Variants in NTN4 observed in about 807,000 individuals in gnomAD.
The protein encoded by NTN4 is netrin 4, also known as netrin-4.
NTN4 carries 32 observed loss-of-function variants against 73.6 expected under a neutral mutation model. That is an observed-to-expected ratio of 0.44 (90% CI 0.33 to 0.58). The LOEUF (loss-of-function observed/expected upper bound fraction) is 0.58, where lower values mean the gene tolerates loss of function less well. Among genes scored for constraint, NTN4 ranks in the 20% least tolerant of loss-of-function variants. NTN4 has a pLI of 0.04. For synonymous variants in NTN4, 258 were observed against 287.5 expected (o/e 0.90, Z 1.04); for missense variants, 654 against 798.3 (o/e 0.82, Z 2.18).
chr12:95,693,756 AAG>A (rs2078419953), intron 5 of NTN4, among the ~76,000 whole-genome samples: 3 of 151,790 alleles, frequency 2.0e-5, no homozygotes, highest in African/African-American at 4.8e-5. Context: ...AAAAAAGAAA[AAG>A]AAAAAAAATT....
chr12:95,720,850 GTAAC>G (rs1239063193), intron 3 of NTN4, among the ~76,000 whole-genome samples: 1 of 152,126 alleles, frequency 6.6e-6, no homozygotes, highest in African/African-American at 2.4e-5. Context: ...AATAGTAATA[GTAAC>G]TAACACTGAG....
At chr12:95,687,460 G>A (rs2078370548) in intron 5 of NTN4, among the ~76,000 whole-genome samples, 1 of 151,758 alleles carries the variant, frequency 6.6e-6, no homozygotes, top group African/African-American at 2.4e-5. Context: ...TAGTGCAGTG[G>A]TGTGATCTCG....
At chr12:95,784,953 T>G (rs1158296975) in intron 2 of NTN4, among the ~76,000 whole-genome samples, 3 of 152,220 alleles carry the variant, frequency 2.0e-5, no homozygotes, top group African/African-American at 7.2e-5. Flanking sequence ...CCATATAGGT[T>G]AGTTCAAAGT....
chr12:95,681,068 A>T (rs2120981688), intron 7 of NTN4, among the ~76,000 whole-genome samples: 1 of 152,046 alleles, frequency 6.6e-6, no homozygotes, highest in South Asian at 2.1e-4. Flanking sequence ...GGGTGCCTGT[A>T]ATCACAGCTA....
intron 2 of NTN4, among the ~76,000 whole-genome samples, chr12:95,750,614 A>G (rs554571612): frequency 2.0e-4 from 31 of 152,282 alleles, no homozygotes; most frequent in African/African-American, 7.2e-4. Flanking sequence ...TTTACACATC[A>G]GTCCCTTCCT....
chr12:95,672,389 C>T (rs1166802846), intron 7 of NTN4: 8 of 936,552 alleles, frequency 8.5e-6, no homozygotes, highest in Non-Finnish European at 3.5e-6. Context: ...ACGACTCCGA[C>T]CTGAGCCCGG....
In NTN4 at chr12:95,659,061, C is replaced by T. The variant is rs1409807802; in HGVS notation, c.*25G>A. The T allele has an allele frequency of 1.9e-6, 3 of 1,588,118 alleles. No individual in the cohort carries two copies. The highest frequency in any genetic ancestry group is 4.5e-5 in the East Asian group (2 of 44,562). ...TTTGTGTTTTGTACATAGACAAGTGCCATTATGTGCTATCCATCTTAATGC... is the reference window on the plus strand; with the variant it reads ...TTTGTGTTTTGTACATAGACAAGTGTCATTATGTGCTATCCATCTTAATGC... On this transcript the variant is annotated 3_prime_UTR_variant, in exon 10 of 10. Coordinates refer to ENST00000343702, the MANE Select transcript of NTN4 (RefSeq NM_021229.4).
chr12:95,712,036 T>C (rs531099125), intron 4 of NTN4, among the ~76,000 whole-genome samples: 9 of 152,320 alleles, frequency 5.9e-5, no homozygotes, highest in Admixed American at 5.9e-4. Flanking sequence ...CAAAAACAAA[T>C]CAGTTATGAC....
chr12:95,668,712 G>A (rs2078202276), intron 8 of NTN4, among the ~76,000 whole-genome samples: 1 of 152,204 alleles, frequency 6.6e-6, no homozygotes, highest in African/African-American at 2.4e-5. Flanking sequence ...GTCTCAGGCT[G>A]GGTGTGGTGG....
intron 2 of NTN4, among the ~76,000 whole-genome samples, chr12:95,771,192 T>A (rs553609725): frequency 6.6e-6 from 1 of 152,070 alleles, no homozygotes; most frequent in African/African-American, 2.4e-5. Context: ...GGTTTCACCG[T>A]GTTAGCCAGG....
At chr12:95,672,244 G>A (rs2078238200) in intron 7 of NTN4, 2 of 642,432 alleles carry the variant, frequency 3.1e-6, no homozygotes, top group South Asian at 3.5e-5. Context: ...GCGGGGGCAG[G>A]GGGCGGGCTG....
At chr12:95,712,878 T>C (rs2078575497) in intron 4 of NTN4, among the ~76,000 whole-genome samples, 1 of 149,062 alleles carries the variant, frequency 6.7e-6, no homozygotes, top group Admixed American at 6.8e-5. Flanking sequence ...TCTCAAGTGA[T>C]CCACCCGCCT....
intron 2 of NTN4, among the ~76,000 whole-genome samples, chr12:95,753,228 A>G (rs1404191711): frequency 6.6e-6 from 1 of 151,582 alleles, no homozygotes; most frequent in African/African-American, 2.4e-5. Context: ...GCCTCTCAGA[A>G]CCTCTCATTT....
At chr12:95,678,847 G>A (rs969164445) in intron 7 of NTN4, among the ~76,000 whole-genome samples, 2 of 151,790 alleles carry the variant, frequency 1.3e-5, no homozygotes, top group Non-Finnish European at 2.9e-5. Context: ...CAAAAAAAGT[G>A]ACACATATAC....
At chr12:95,669,282 TA>T (rs2078208123) in intron 8 of NTN4, among the ~76,000 whole-genome samples, 2 of 152,218 alleles carry the variant, frequency 1.3e-5, no homozygotes, top group South Asian at 4.2e-4. Context: ...TATTTAATAG[TA>T]AATATAAAGC....
intron 9 of NTN4, among the ~76,000 whole-genome samples, chr12:95,661,786 T>C (rs917422144): frequency 6.6e-6 from 1 of 152,146 alleles, no homozygotes; most frequent in African/African-American, 2.4e-5. Context: ...GGTCAGATAA[T>C]GGATAGGGCA....
chr12:95,743,175 T>A (rs948171720), intron 2 of NTN4, among the ~76,000 whole-genome samples: 3 of 152,244 alleles, frequency 2.0e-5, no homozygotes, highest in Non-Finnish European at 4.4e-5. Context: ...AATAGCAACT[T>A]CAGGAACATA....
intron 9 of NTN4, among the ~76,000 whole-genome samples, chr12:95,663,084 C>T (rs1335617437): frequency 6.6e-6 from 1 of 151,896 alleles, no homozygotes; most frequent in African/African-American, 2.4e-5. Flanking sequence ...AGTACCACCA[C>T]TCTAGCCTGG....
intron 5 of NTN4, among the ~76,000 whole-genome samples, chr12:95,707,239 C>T (rs1303816789): frequency 2.0e-5 from 3 of 152,054 alleles, no homozygotes; most frequent in Admixed American, 2.0e-4. Flanking sequence ...TAGATTTTCT[C>T]CCCTCCCCAG....
Sources: gnomAD v4.1 joint callset for allele counts (sites outside exome capture counted in the v4.1 genomes callset) on GRCh38, gnomAD v4.1.1 for gene constraint, MANE v1.5 for transcripts, NCBI Gene and HGNC (gene_info 2026-07-23, HGNC 2026-07-21) for gene names.